BOLL: variants seen among roughly 807,000 people sequenced by gnomAD.
BOLL encodes the protein protein boule-like.
A neutral mutation model predicts 44.4 loss-of-function variants in BOLL; 23 were observed. The observed-to-expected ratio is 0.52, with a 90% CI of 0.37 to 0.73. BOLL has a LOEUF of 0.73. Among genes scored for constraint, BOLL ranks in the 30% least tolerant of loss-of-function variants. The pLI, the probability that BOLL is intolerant of heterozygous loss-of-function variation, is 0.00. For synonymous variants in BOLL, 97 were observed against 110.8 expected (o/e 0.88, Z 0.78); for missense variants, 287 against 338.3 (o/e 0.85, Z 1.19).
At chr2:197,767,370 A>G (rs1266566770) in intron 6 of BOLL, among the ~76,000 whole-genome samples, 1 of 152,036 alleles carries the variant, frequency 6.6e-6, no homozygotes, top group Non-Finnish European at 1.5e-5. Context: ...ACTGAGGAAA[A>G]GTATCACAGT....
chr2:197,776,816 G>T (rs1053596083), intron 4 of BOLL, among the ~76,000 whole-genome samples: 4 of 151,940 alleles, frequency 2.6e-5, no homozygotes, highest in African/African-American at 7.2e-5. Context: ...CTTCGCAAAA[G>T]ATATATCCCC....
chr2:197,735,849 G>A (rs1190850566), intron 10 of BOLL, among the ~76,000 whole-genome samples: 1 of 152,054 alleles, frequency 6.6e-6, no homozygotes, highest in Non-Finnish European at 1.5e-5. Flanking sequence ...TGTTTCTTAT[G>A]AATTTCTTTT....
At chr2:197,746,140 AC>A (rs1179826314) in intron 9 of BOLL, among the ~76,000 whole-genome samples, 2 of 152,202 alleles carry the variant, frequency 1.3e-5, no homozygotes, top group East Asian at 1.9e-4. Context: ...TTTACAAGGA[AC>A]AAAAATGATC....
At chr2:197,730,722 A>T (rs1687122843) in intron 10 of BOLL, among the ~76,000 whole-genome samples, 1 of 151,846 alleles carries the variant, frequency 6.6e-6, no homozygotes, top group Non-Finnish European at 1.5e-5. Context: ...TAAGCTTCAT[A>T]AGTGAAGGAG....
intron 6 of BOLL, among the ~76,000 whole-genome samples, chr2:197,768,461 G>A (rs1046508486): frequency 1.3e-5 from 2 of 151,722 alleles, no homozygotes; most frequent in African/African-American, 4.8e-5. Context: ...AAGATTTCAA[G>A]ACTCGTTATA....
chr2:197,754,420 C>A (rs1409619215), intron 9 of BOLL, among the ~76,000 whole-genome samples: 1 of 151,938 alleles, frequency 6.6e-6, no homozygotes, highest in Non-Finnish European at 1.5e-5. Flanking sequence ...CTATAGAAAC[C>A]ACAGAAGGGC....
At chr2:197,784,147 C>G (rs1369726329) in intron 1 of BOLL, among the ~76,000 whole-genome samples, 2 of 151,840 alleles carry the variant, frequency 1.3e-5, no homozygotes, top group African/African-American at 4.8e-5. Flanking sequence ...TCTCCCTCAT[C>G]ATTTTCTAAC....
chr2:197,734,775 C>G (rs1687401361), intron 10 of BOLL, among the ~76,000 whole-genome samples: 1 of 152,026 alleles, frequency 6.6e-6, no homozygotes, highest in African/African-American at 2.4e-5. Context: ...AACTTGGACA[C>G]AGGAAGGGGA....
intron 9 of BOLL, among the ~76,000 whole-genome samples, chr2:197,754,299 C>T (rs529080089): frequency 1.3e-5 from 2 of 152,032 alleles, no homozygotes; most frequent in African/African-American, 4.8e-5. Flanking sequence ...AAAAAATGGT[C>T]CTGGGAAAAC....
chr2:197,732,762 C>T (rs1166382424), intron 10 of BOLL, among the ~76,000 whole-genome samples: 1 of 143,004 alleles, frequency 7.0e-6, no homozygotes, highest in East Asian at 2.0e-4. Flanking sequence ...ATTCAACAAC[C>T]CTTCATGCTA....
In BOLL at chr2:197,775,717, A is replaced by G; in HGVS notation, c.300T>C (p.Asp100=). 6.4e-7 allele frequency: 1 copy of G among 1,553,582 alleles called. No individual in the cohort carries two copies. The highest frequency in any genetic ancestry group is 1.4e-5 in the African/African-American group (1 of 72,370). ...LQEAEKLNYK[D]KKLNIGPAIR... is the part of the protein sequence containing the mutation. Reference sequence around the variant, plus strand: ...TTGCTGGACCAATGTTCAGCTTCTTATCCTTATAATTAAGTTTTTCAGCCT... The same window carrying G: ...TTGCTGGACCAATGTTCAGCTTCTTGTCCTTATAATTAAGTTTTTCAGCCT... The change falls in exon 5 of 11, where the codon GAT becomes GAC. Residue 100 remains aspartate, a synonymous_variant. Transcript: ENST00000392296.
chr2:197,780,096 A>G (rs920941052), intron 2 of BOLL, among the ~76,000 whole-genome samples: 2 of 152,082 alleles, frequency 1.3e-5, no homozygotes, highest in Admixed American at 6.6e-5. Context: ...TAGAATAAGA[A>G]TTGTTACTAG....
chr2:197,729,231 T>G (rs577648621), intron 10 of BOLL, among the ~76,000 whole-genome samples: 1 of 151,878 alleles, frequency 6.6e-6, no homozygotes, highest in African/African-American at 2.4e-5. Flanking sequence ...ACCTGGAAAA[T>G]CGGGTCACTA....
rs80135234 is a variant in BOLL at position 197,759,858 on chromosome 2, C to G, written c.553-2458G>C. On this transcript the variant is annotated intron_variant, in intron 7 of 10. Transcript: ENST00000392296. Reference sequence around the variant, plus strand: ...CTGCATACAGGGCTGAGAAACAGCCCAGAGGTGCCTCACGCCCTGCAGACA... The same window carrying G: ...CTGCATACAGGGCTGAGAAACAGCCGAGAGGTGCCTCACGCCCTGCAGACA... Among the ~76,000 whole-genome samples, 128 of 152,320 alleles carry G rather than the reference C, an allele frequency of 8.4e-4. 2 individuals are homozygous for G. In the East Asian group the frequency reaches 0.024, roughly 28 times the overall value.
chr2:197,777,262 AAGAATC>A, intron 3 of BOLL, 149 bp from the exon 4 acceptor site: 1 of 435,236 alleles, frequency 2.3e-6, no homozygotes, highest in Admixed American at 4.2e-5. Flanking sequence ...GGAATCTTAG[AAGAATC>A]ATTCACAGCC....
At chr2:197,775,590 T>A in intron 5 of BOLL, 75 bp downstream of exon 5, 2 of 961,056 alleles carry the variant, frequency 2.1e-6, no homozygotes, top group Non-Finnish European at 3.1e-6. Context: ...TTTAATAAAG[T>A]TCTATAAAAA....
intron 7 of BOLL, 120 bp from the exon 8 acceptor site, chr2:197,757,520 G>A (rs1401530090): frequency 3.9e-6 from 3 of 760,454 alleles, no homozygotes; most frequent in Non-Finnish European, 4.2e-6. Flanking sequence ...ATTAACTCAA[G>A]CCATATACAA....
intron 7 of BOLL, chr2:197,759,027 A>G (rs73054817): frequency 0.19 from 285,363 of 1,530,120 alleles, 27,230 homozygotes; most frequent in East Asian, 0.25. Flanking sequence ...AAAGAGAGGC[A>G]TGATGTCAGC....
In BOLL at chr2:197,735,783, C is replaced by T. The variant is rs112643508; in HGVS notation, c.829-7205G>A. On this transcript the variant is annotated intron_variant, in intron 10 of 10. Transcript: ENST00000392296. ...ACTTCTCATTAGTTTTTGCCTGTTT[C>T]GGAGAGGATATTAATTGTAGTTTCT... 1.8e-4 allele frequency among the ~76,000 whole-genome samples: 27 copies of T among 152,250 alleles called. 3 individuals are homozygous for T. Among genetic ancestry groups the T allele is most frequent in the African/African-American group, 6.0e-4 (25 of 41,574 alleles).
Sources: allele counts gnomAD v4.1 joint callset (sites outside exome capture counted in the v4.1 genomes callset), GRCh38; gene constraint gnomAD v4.1.1; transcripts MANE v1.5; gene names NCBI Gene and HGNC (gene_info 2026-07-23, HGNC 2026-07-21).